Variants in FBN2 observed in about 807,000 individuals in gnomAD.
FBN2 encodes the protein fibrillin 2.
FBN2 carries 105 observed loss-of-function variants against 355.6 expected under a neutral mutation model. That is an observed-to-expected ratio of 0.30 (90% CI 0.25 to 0.35). FBN2 has a LOEUF of 0.35. Ranked by LOEUF, FBN2 falls within the 10% of genes least tolerant of loss-of-function variation. The pLI, the probability that FBN2 is intolerant of heterozygous loss-of-function variation, is 1.00. For synonymous variants in FBN2, 1,350 were observed against 1,301.2 expected (o/e 1.04, Z -0.81); for missense variants, 3,280 against 3,758.7 (o/e 0.87, Z 3.33).
At chr5:128,411,970 T>G (rs1239667600) in intron 7 of FBN2, among the ~76,000 whole-genome samples, 1 of 152,218 alleles carries the variant, frequency 6.6e-6, no homozygotes, top group Non-Finnish European at 1.5e-5. Flanking sequence ...AAGCATATAT[T>G]ATCTATGTAT....
At position 128,376,825 on chromosome 5, in the gene FBN2, C is replaced by T. The variant is rs773480990; in HGVS notation, c.1878G>A (p.Met626Ile). Residue 626 changes from methionine to isoleucine, a missense_variant, in exon 14 of 65, where the codon ATG (methionine) becomes ATA (isoleucine). Transcript: ENST00000262464. ...VDHDECTTTN[M>I]CLNGMCINED... ...CATTGATGCACATTCCATTCAAACA[C>T]ATGTTGGTAGTTGTACATTCATCAT... 2 of 1,613,570 alleles carry T rather than the reference C, an allele frequency of 1.2e-6. No homozygotes were observed. The highest frequency in any genetic ancestry group is 3.3e-5 in the Admixed American group (2 of 59,970).
chr5:128,366,858 AACTAAAT>A (rs1350213966), intron 16 of FBN2, among the ~76,000 whole-genome samples: 2 of 152,160 alleles, frequency 1.3e-5, no homozygotes, highest in Non-Finnish European at 2.9e-5. Flanking sequence ...CAATACCACA[AACTAAAT>A]ACTATTGTAT....
At chr5:128,470,686 A>G (rs1373940889) in intron 5 of FBN2, among the ~76,000 whole-genome samples, 1 of 152,206 alleles carries the variant, frequency 6.6e-6, no homozygotes, top group African/African-American at 2.4e-5. Context: ...AATGAAAGAA[A>G]GCAGTGAGAT....
At chr5:128,273,413 T>C (rs1765312136) in intron 61 of FBN2, among the ~76,000 whole-genome samples, 1 of 152,226 alleles carries the variant, frequency 6.6e-6, no homozygotes, top group Admixed American at 6.5e-5. Context: ...CATTTCACCT[T>C]AGCGTGTTCA....
At position 128,263,391 on chromosome 5, in the gene FBN2, T is replaced by C. The variant is rs1465729956; in HGVS notation, c.8192+34A>G. 9.2e-6 allele frequency: 14 copies of C among 1,514,946 alleles called. No homozygotes were observed. The African/African-American group carries it at 1.5e-4, about 16-fold the overall frequency. The allele number at this position is 1,514,946 out of a possible 1,614,324, so 93.8% of individuals were successfully genotyped here. A position where few individuals can be genotyped will look rare whatever the true frequency, so the allele number is the denominator to read the frequency against. On this transcript the variant is annotated intron_variant, in intron 63 of 64. Transcript: ENST00000262464. ...CCTGAACTCACTCAGGAACCATGTATTCCTCTATGTGCTGAGGCTGAAGGC... is the reference window on the plus strand; with the variant it reads ...CCTGAACTCACTCAGGAACCATGTACTCCTCTATGTGCTGAGGCTGAAGGC...
intron 20 of FBN2, among the ~76,000 whole-genome samples, chr5:128,357,027 T>G (rs1200132514): frequency 6.6e-6 from 1 of 152,224 alleles, no homozygotes; most frequent in Non-Finnish European, 1.5e-5. Context: ...TGGAAATGAT[T>G]ATAAGTTATA....
In FBN2 at chr5:128,287,356, T is replaced by C. The variant is rs1060503500; in HGVS notation, c.6832A>G (p.Thr2278Ala). Residue 2278 changes from threonine to alanine, a missense_variant, in exon 54 of 65, where the codon ACG becomes GCG. Thr to Ala is a moderately conservative substitution (Grantham distance 58). This residue lies in a region of FBN2 where 2,284 missense variants were observed against 2,749.5 expected (regional missense o/e 0.83). Coordinates refer to ENST00000262464, the MANE Select transcript of FBN2 (RefSeq NM_001999.4). ...CMNTFGSYECTCPIGYALRED... is the reference protein window; with the variant it reads ...CMNTFGSYECACPIGYALRED... ...CTGAGGGCATAGCCAATCGGGCACG[T>C]GCATTCATAGGACCCAAAAGTGTTC... 1 of 1,614,066 alleles carries C rather than the reference T, an allele frequency of 6.2e-7. No homozygotes were observed. The highest frequency in any genetic ancestry group is 1.7e-5 in the Admixed American group (1 of 60,010).
intron 6 of FBN2, among the ~76,000 whole-genome samples, chr5:128,448,987 T>G (rs936309592): frequency 2.0e-5 from 3 of 152,028 alleles, no homozygotes; most frequent in Non-Finnish European, 4.4e-5. Flanking sequence ...AAAGAATTTT[T>G]GGACTTTAAA....
At chr5:128,459,791 C>A (rs1162601730) in intron 6 of FBN2, among the ~76,000 whole-genome samples, 2 of 152,212 alleles carry the variant, frequency 1.3e-5, no homozygotes, top group African/African-American at 2.4e-5. Flanking sequence ...TCTCAGTAAA[C>A]CAGGTATTGA....
rs752627315 is a variant in FBN2 at position 128,276,107 on chromosome 5, T to C, written c.7525A>G (p.Thr2509Ala). The C allele has an allele frequency of 5.0e-6, 8 of 1,613,840 alleles. No individual in the cohort carries two copies. In the Admixed American group the frequency reaches 1.2e-4, roughly 24 times the overall value. ...PKPCNYICKN[T>A]EGSYQCSCPR... is the part of the protein sequence containing the mutation. ...CATGAACACTGATAACTCCCCTCAG[T>C]GTTCTTGCAGATGTAGTTGCATGGT... Residue 2509 changes from threonine to alanine, a missense_variant, in exon 59 of 65, where the codon ACT becomes GCT. By Grantham distance (58) the Thr-to-Ala change is moderately conservative. Transcript: ENST00000262464.
chr5:128,278,598 G>T (rs773230792), intron 57 of FBN2, 37 bp downstream of exon 57: 2 of 1,552,852 alleles, frequency 1.3e-6, no homozygotes, highest in South Asian at 1.1e-5. Flanking sequence ...AAAATTTAAT[G>T]TGTTGATTAT....
intron 7 of FBN2, among the ~76,000 whole-genome samples, chr5:128,430,702 GGT>G (rs927780851): frequency 2.0e-5 from 3 of 151,964 alleles, no homozygotes; most frequent in Non-Finnish European, 4.4e-5. Context: ...AAATCAGCCA[GGT>G]GTGGTGGCAC....
intron 19 of FBN2, 40 bp from the exon 20 acceptor site, chr5:128,357,435 G>C: frequency 6.2e-7 from 1 of 1,612,658 alleles, no homozygotes; most frequent in South Asian, 1.1e-5. Flanking sequence ...GAACTGCCAT[G>C]TGTTTCTGGA....
chr5:128,408,481 T>C (rs754100634), intron 8 of FBN2, among the ~76,000 whole-genome samples, 193 bp downstream of exon 8: 15 of 152,318 alleles, frequency 9.8e-5, no homozygotes, highest in Admixed American at 3.9e-4. Flanking sequence ...ACAAACCCAG[T>C]TGGATTCTGA....
chr5:128,350,891 C>A lies in FBN2; in HGVS notation c.2789G>T (p.Ser930Ile), dbSNP rs1285956482. Reference sequence around the variant, plus strand: ...ACCTAGTTCACACCGCTCACAGGGGCTCCCCCAGGCGGCTCCGAGGGTGGC... The same window carrying A: ...ACCTAGTTCACACCGCTCACAGGGGATCCCCCAGGCGGCTCCGAGGGTGGC... ...CCATLGAAWG[S>I]PCERCELDTA... Residue 930 changes from serine to isoleucine, a missense_variant, in exon 21 of 65, where the codon AGC (serine) becomes ATC (isoleucine). By Grantham distance (142) the Ser-to-Ile change is moderately radical. This residue lies in a region of FBN2 where 2,284 missense variants were observed against 2,749.5 expected (regional missense o/e 0.83). Transcript: ENST00000262464. 6.2e-7 allele frequency: 1 copy of A among 1,614,054 alleles called. No homozygotes were observed. Among genetic ancestry groups the A allele is most frequent in the East Asian group, 2.2e-5 (1 of 44,872 alleles).
chr5:128,363,076 A>G (rs1751678720), intron 18 of FBN2, among the ~76,000 whole-genome samples: 1 of 152,164 alleles, frequency 6.6e-6, no homozygotes, highest in Non-Finnish European at 1.5e-5. Context: ...TATTTTAAGG[A>G]CTAGACTACC....
chr5:128,438,337 T>A (rs1753830332), intron 7 of FBN2, among the ~76,000 whole-genome samples: 1 of 152,224 alleles, frequency 6.6e-6, no homozygotes, highest in African/African-American at 2.4e-5. Flanking sequence ...AAGCATATTA[T>A]AATCAGCTTC....
chr5:128,376,962 C>T, intron 13 of FBN2, 109 bp from the exon 14 acceptor site: 3 of 1,366,276 alleles, frequency 2.2e-6, no homozygotes, highest in Non-Finnish European at 3.1e-6. Context: ...GAGCCATGTG[C>T]TCATGGCTTT....
At chr5:128,364,490 AG>A in intron 18 of FBN2, 109 bp downstream of exon 18, 1 of 1,191,752 alleles carries the variant, frequency 8.4e-7, no homozygotes, top group Non-Finnish European at 1.2e-6. Context: ...GAAGAAAACA[AG>A]AAAAACTGTA....
Sources: allele counts gnomAD v4.1 joint callset (sites outside exome capture counted in the v4.1 genomes callset), GRCh38; gene constraint gnomAD v4.1.1; regional missense constraint gnomAD v4.1.1; transcripts MANE v1.5; gene names NCBI Gene and HGNC (gene_info 2026-07-23, HGNC 2026-07-21).